COL6A3: variants seen among roughly 807,000 people sequenced by gnomAD.
COL6A3 encodes the protein collagen type VI alpha 3 chain, also known as collagen alpha-3(VI) chain.
Under a neutral mutation model 274.1 loss-of-function variants are expected in COL6A3, and 137 were observed. That is an observed-to-expected ratio of 0.50 (90% confidence interval 0.44 to 0.58). The LOEUF is 0.58. Ranked by LOEUF, COL6A3 falls within the 20% of genes least tolerant of loss-of-function variation. COL6A3 has a pLI of 0.00. For missense variants in COL6A3, 3,950 were observed against 4,124.9 expected, an observed-to-expected ratio of 0.96 and a Z score of 1.16; for synonymous variants, 1,650 against 1,650.6, an observed-to-expected ratio of 1.00 and a Z score of 0.01.
chr2:237,379,722 A>C (rs1427956003), intron 5 of COL6A3, among the ~76,000 whole-genome samples: 1 of 151,980 alleles, frequency 6.6e-6, no homozygotes, highest in Non-Finnish European at 1.5e-5. Context: ...CTTAAGGCTA[A>C]AAAAAATAGC....
Position 237,378,837 on chromosome 2 carries a change from A to G in COL6A3, c.2296T>C (p.Leu766=). The change falls in exon 6 of 44, where the codon TTG becomes CTG. Residue 766 remains leucine, a synonymous_variant. Transcript: ENST00000295550. ...AAAGTCAGGATGCCCGCGCGTGTCA[A>G]GGCGTTGGCAGCTTGCAAATAGGAG... The part of the protein sequence containing the change: ...EDSYLQAANA[L]TRAGILTFCV... 6.2e-7 allele frequency: 1 copy of G among 1,614,236 alleles called. No individual in the cohort carries two copies. The highest frequency in any genetic ancestry group is 8.5e-7 in the Non-Finnish European group (1 of 1,180,044).
In COL6A3 at chr2:237,387,600, G is replaced by A. The variant is rs1161493990; in HGVS notation, c.1294C>T (p.Pro432Ser). 1 of 1,613,830 alleles carries A rather than the reference G, an allele frequency of 6.2e-7. No individual in the cohort carries two copies. Among genetic ancestry groups the A allele is most frequent in the African/African-American group, 1.3e-5 (1 of 74,932 alleles). ...VAQRHIVLKP[P>S]TIVTQVIEVN... ...TACATACCTTGTGTGACAATGGTTG[G>A]CGGTTTCAAGACAATGTGCCTTTGG... The change falls in exon 4 of 44, where the codon CCA (proline) becomes TCA (serine). Residue 432 changes from proline to serine, a missense_variant. Around this residue, in one of 5 missense-constraint regions of COL6A3, gnomAD observed 1,934 missense variants for 1,984.3 expected, o/e 0.97. Coordinates refer to ENST00000295550, the MANE Select transcript of COL6A3 (RefSeq NM_004369.4).
At chr2:237,346,657 A>C in intron 31 of COL6A3, 92 bp from the exon 32 acceptor site, 17 of 1,116,170 alleles carry the variant, frequency 1.5e-5, no homozygotes, top group Non-Finnish European at 2.2e-5. Flanking sequence ...AAGTGATCTA[A>C]CCCAAGGGAC....
rs1482068511 is a variant in COL6A3 at position 237,342,318 on chromosome 2, G to C, written c.7669-157C>G. 44 of 683,932 alleles carry C rather than the reference G, an allele frequency of 6.4e-5. No individual in the cohort carries two copies. The Admixed American group carries it at 9.2e-4, about 14-fold the overall frequency. 42.4% of individuals were successfully genotyped at this position (683,932 alleles called of 1,614,324 possible). Reference sequence around the variant, plus strand: ...TCTTCTCATTTGGGGGTGGGGTTAGGCTCTGAGTATAATAGAAAGACATAG... The same window carrying C: ...TCTTCTCATTTGGGGGTGGGGTTAGCCTCTGAGTATAATAGAAAGACATAG... On this transcript the variant is annotated intron_variant, in intron 36 of 43. Transcript: ENST00000295550.
chr2:237,355,467 G>A (rs73998887), intron 23 of COL6A3: 8,667 of 153,148 alleles, frequency 0.057, 382 homozygotes, highest in African/African-American at 0.12. Flanking sequence ...TACTTAGGTA[G>A]GGCTCACGAC....
intron 9 of COL6A3, among the ~76,000 whole-genome samples, chr2:237,370,240 A>ATT (rs753401570): frequency 3.2e-5 from 4 of 126,446 alleles, no homozygotes; most frequent in Admixed American, 7.9e-5. Flanking sequence ...AACTGGTTTA[A>ATT]TTTTTTTTTT....
At chr2:237,338,618 A>C (rs201309459) in intron 39 of COL6A3, among the ~76,000 whole-genome samples, 1 of 152,156 alleles carries the variant, frequency 6.6e-6, no homozygotes, top group Admixed American at 6.5e-5. Flanking sequence ...AAATACAAAA[A>C]TTAGCCAGGC....
chr2:237,364,372 T>A lies in COL6A3; in HGVS notation c.5895A>T (p.Ala1965=), dbSNP rs1178925574. The A allele has an allele frequency of 6.2e-7, 1 of 1,613,960 alleles. No individual in the cohort carries two copies. Among genetic ancestry groups the A allele is most frequent in the African/African-American group, 1.3e-5 (1 of 74,942 alleles). ...ADGDLADLHR[A]SENLRQEGVR... The stretch of plus-strand genomic sequence containing the variant: ...TACCTTCTTGGCGGAGGTTCTCAGA[T>A]GCTCTGTGTAAATCAGCCAGATCTC... The change falls in exon 13 of 44, where the codon GCA becomes GCT. Residue 1965 remains alanine, a synonymous_variant. Coordinates refer to ENST00000295550, the MANE Select transcript of COL6A3 (RefSeq NM_004369.4). The surrounding 1 kb of genome is among the most constrained non-coding windows in gnomAD (Gnocchi z 4.6).
chr2:237,344,002 C>T lies in COL6A3; in HGVS notation c.7668+348G>A. 2.6e-6 allele frequency: 1 copy of T among 383,876 alleles called. No individual in the cohort carries two copies. Among genetic ancestry groups the T allele is most frequent in the Non-Finnish European group, 5.0e-6 (1 of 200,612 alleles). 23.8% of individuals were successfully genotyped at this position (383,876 alleles called of 1,614,324 possible). ...CACAGGGGGCCATCTTGGGAGGAGA[C>T]AGGAAGGATGCAAACGTCCAGGTCC... is the stretch of plus-strand genomic sequence containing the variant. On this transcript the variant is annotated intron_variant, in intron 36 of 43. Transcript: ENST00000295550. The surrounding 1 kb of genome is among the most constrained non-coding windows in gnomAD (Gnocchi z 4.8).
chr2:237,370,446 C>T (rs1037378251), intron 9 of COL6A3, among the ~76,000 whole-genome samples: 3 of 151,934 alleles, frequency 2.0e-5, no homozygotes, highest in African/African-American at 7.3e-5. Flanking sequence ...ACCATATTGA[C>T]CAGGCTGGTC....
chr2:237,348,260 A>C (rs1264451931), intron 30 of COL6A3, 89 bp downstream of exon 30: 1 of 1,150,858 alleles, frequency 8.7e-7, no homozygotes, highest in East Asian at 2.3e-5. Context: ...ACCCAAGACT[A>C]ATGCCAAGAT....
intron 3 of COL6A3, among the ~76,000 whole-genome samples, chr2:237,394,003 C>A (rs1559278226): frequency 6.6e-6 from 1 of 152,206 alleles, no homozygotes. Context: ...TGCACAGCCT[C>A]CAGCTCCGGC....
In COL6A3 at chr2:237,324,892, A is replaced by G. The variant is rs1308203158; in HGVS notation, c.9494-78T>C. 7.0e-6 allele frequency: 10 copies of G among 1,438,428 alleles called. No individual in the cohort carries two copies. The African/African-American group carries it at 9.7e-5, about 14-fold the overall frequency. 89.1% of individuals were successfully genotyped at this position (1,438,428 alleles called of 1,614,324 possible). A position where few individuals can be genotyped will look rare whatever the true frequency, so the allele number is the denominator to read the frequency against. Reference sequence around the variant, plus strand: ...GAGGAAAAGCCACATTACTGACCCAAAAGGGCACTGTCATTATCATGACAC... The same window carrying G: ...GAGGAAAAGCCACATTACTGACCCAGAAGGGCACTGTCATTATCATGACAC... On this transcript the variant is annotated intron_variant, in intron 43 of 43. Transcript: ENST00000295550.
At chr2:237,398,752 C>T (rs2078515315) in intron 1 of COL6A3, among the ~76,000 whole-genome samples, 1 of 152,088 alleles carries the variant, frequency 6.6e-6, no homozygotes, top group South Asian at 2.1e-4. Flanking sequence ...CTCTTCTTAC[C>T]CAGACTGGCC....
chr2:237,397,066 T>C (rs1474860902), intron 1 of COL6A3, among the ~76,000 whole-genome samples: 2 of 104,662 alleles, frequency 1.9e-5, no homozygotes, highest in South Asian at 3.0e-4. Flanking sequence ...TAAAAATCTA[T>C]ACAGATACAT....
chr2:237,402,374 T>C (rs905659713), intron 1 of COL6A3, among the ~76,000 whole-genome samples: 5 of 152,318 alleles, frequency 3.3e-5, no homozygotes, highest in Non-Finnish European at 5.9e-5. Context: ...GTATGTTTTA[T>C]GTTATATGGT....
intron 13 of COL6A3, among the ~76,000 whole-genome samples, chr2:237,363,705 G>A (rs1415865261): frequency 6.6e-6 from 1 of 152,170 alleles, no homozygotes; most frequent in African/African-American, 2.4e-5. Flanking sequence ...TATGCTGTGG[G>A]AAGTATTGAA....
At chr2:237,332,390 GAC>G in intron 42 of COL6A3, among the ~76,000 whole-genome samples, 1 of 152,018 alleles carries the variant, frequency 6.6e-6, no homozygotes, top group Non-Finnish European at 1.5e-5. Context: ...AGTGAGAAAT[GAC>G]ATACACAGAT....
intron 8 of COL6A3, among the ~76,000 whole-genome samples, chr2:237,373,838 G>A (rs747847237): frequency 3.3e-5 from 5 of 152,178 alleles, no homozygotes; most frequent in Admixed American, 6.5e-5. Context: ...CCTAGAAAGA[G>A]GGAACAGGAA....
Sources: allele counts gnomAD v4.1 joint callset (sites outside exome capture counted in the v4.1 genomes callset), GRCh38; gene constraint gnomAD v4.1.1; regional missense constraint gnomAD v4.1.1; non-coding constraint Gnocchi (gnomAD v3.1); transcripts MANE v1.5; gene names NCBI Gene and HGNC (gene_info 2026-07-23, HGNC 2026-07-21).